CEP68: variants seen among roughly 807,000 people sequenced by gnomAD.
The protein encoded by CEP68 is centrosomal protein 68.
In CEP68, 26 loss-of-function variants were observed where a neutral mutation model predicts 55.3. The observed-to-expected ratio is 0.47, with a 90% CI of 0.34 to 0.65. The LOEUF (loss-of-function observed/expected upper bound fraction) is 0.65, where lower values mean the gene tolerates loss of function less well. Among genes scored for constraint, CEP68 ranks in the 30% least tolerant of loss-of-function variants. The pLI is 0.01. For synonymous variants in CEP68, 402 were observed against 383.2 expected, an observed-to-expected ratio of 1.05 and a Z score of -0.57; for missense variants, 957 against 946.7, an observed-to-expected ratio of 1.01 and a Z score of -0.14.
intron 2 of CEP68, among the ~76,000 whole-genome samples, chr2:65,070,465 C>T (rs1676406736): frequency 6.6e-6 from 1 of 151,256 alleles, no homozygotes; most frequent in Admixed American, 6.6e-5. Flanking sequence ...TTCTGTTCTG[C>T]TTGCCAAGGC....
chr2:65,075,271 A>AC (rs70943621), intron 4 of CEP68: 1 of 149,718 alleles, frequency 6.7e-6, no homozygotes, highest in Non-Finnish European at 1.5e-5. Context: ...AAAAAAAAAA[A>AC]CATAAAAAAT....
At chr2:65,074,774 C>T (rs543235299) in intron 4 of CEP68, 8 of 242,132 alleles carry the variant, frequency 3.3e-5, no homozygotes, top group African/African-American at 4.7e-5. Context: ...ACCCCCCCCC[C>T]TCAAAAAAAA....
chr2:65,073,308 T>C (rs907828974), intron 3 of CEP68: 4 of 385,704 alleles, frequency 1.0e-5, no homozygotes, highest in Admixed American at 7.6e-5. Flanking sequence ...AACTCAGAGG[T>C]ATTCTGAACA....
intron 1 of CEP68, among the ~76,000 whole-genome samples, chr2:65,064,597 G>GTA (rs1558555986): frequency 6.6e-6 from 1 of 152,118 alleles, no homozygotes; most frequent in Non-Finnish European, 1.5e-5. Context: ...AGCTGGGTGC[G>GTA]GTGGTGGGCG....
chr2:65,074,517 C>T (rs1201192141), intron 4 of CEP68, 113 bp downstream of exon 4: 1 of 1,433,232 alleles, frequency 7.0e-7, no homozygotes, highest in African/African-American at 1.4e-5. Context: ...GCTCAGTTGA[C>T]TATTATACCT....
At chr2:65,076,564 A>C (rs752748747) in intron 4 of CEP68, among the ~76,000 whole-genome samples, 17 of 152,106 alleles carry the variant, frequency 1.1e-4, no homozygotes, top group Non-Finnish European at 2.1e-4. Context: ...TTGGATTAAG[A>C]CCTAGTATAA....
At chr2:65,059,169 C>T (rs1675794900) in intron 1 of CEP68, among the ~76,000 whole-genome samples, 1 of 152,160 alleles carries the variant, frequency 6.6e-6, no homozygotes, top group Admixed American at 6.5e-5. Context: ...TAATGTTGTT[C>T]ACCAACATCA....
rs138848385 is a variant in CEP68, at chr2:65,069,559, G to T, written c.115G>T (p.Gly39Trp). 1.2e-6 allele frequency: 2 copies of T among 1,611,744 alleles called. No individual in the cohort carries two copies. The highest frequency in any genetic ancestry group is 8.5e-7 in the Non-Finnish European group (1 of 1,178,480). Residue 39 changes from glycine to tryptophan, a missense_variant, in exon 2 of 7, where the codon GGG becomes TGG. Transcript: ENST00000377990. ...GCTGGACATCCCAGGGCCCATGAGT[G>T]GGGAGCAGCCCCCACGCCTGGAAGC... ...RELDIPGPMSGEQPPRLEAEG... is the reference protein window; with the variant it reads ...RELDIPGPMSWEQPPRLEAEG...
intron 1 of CEP68, among the ~76,000 whole-genome samples, chr2:65,066,726 CA>C (rs869096839): frequency 7.9e-4 from 34 of 43,238 alleles, no homozygotes; most frequent in African/African-American, 1.7e-3. Context: ...GACTCTGTCT[CA>C]AAAAAAAAAA....
At chr2:65,060,574 AT>A (rs552048938) in intron 1 of CEP68, among the ~76,000 whole-genome samples, 57 of 152,318 alleles carry the variant, frequency 3.7e-4, no homozygotes, top group African/African-American at 1.4e-3. Context: ...TTAAAAAAAA[AT>A]AAATGAATAA....
At chr2:65,081,680 G>A (rs936593366) in intron 5 of CEP68, among the ~76,000 whole-genome samples, 2 of 151,682 alleles carry the variant, frequency 1.3e-5, no homozygotes, top group Admixed American at 6.6e-5. Context: ...CCCTTAGACT[G>A]CTTTCGGGTC....
intron 1 of CEP68, among the ~76,000 whole-genome samples, chr2:65,066,173 A>T (rs1462230629): frequency 1.3e-5 from 2 of 152,118 alleles, no homozygotes. Flanking sequence ...TGTTTTCAGG[A>T]TGTGGGAGGA....
chr2:65,062,351 T>C (rs977156805), intron 1 of CEP68, among the ~76,000 whole-genome samples: 9 of 151,922 alleles, frequency 5.9e-5, no homozygotes, highest in Non-Finnish European at 7.4e-5. Flanking sequence ...CTGGCCAACA[T>C]GGTTAAACCC....
chr2:65,083,437 T>C (rs1229368340), intron 6 of CEP68, among the ~76,000 whole-genome samples: 1 of 152,256 alleles, frequency 6.6e-6, no homozygotes, highest in Non-Finnish European at 1.5e-5. Flanking sequence ...ACGTCGCTCC[T>C]ACAACAAAAT....
chr2:65,071,992 A>G lies in CEP68; in HGVS notation c.896A>G (p.Tyr299Cys). 1 of 1,613,092 alleles carries G rather than the reference A, an allele frequency of 6.2e-7. No individual in the cohort carries two copies. The highest frequency in any genetic ancestry group is 8.5e-7 in the Non-Finnish European group (1 of 1,180,000). Residue 299 changes from tyrosine to cysteine, a missense_variant, in exon 3 of 7, where the codon TAT becomes TGT. Coordinates refer to ENST00000377990, the MANE Select transcript of CEP68 (RefSeq NM_015147.3). ...HSPLWNPNKEYEDLLDYTYPL... is the reference protein window; with the variant it reads ...HSPLWNPNKECEDLLDYTYPL... ...CCTCTCTGGAACCCAAATAAAGAGT[A>G]TGAAGATCTGCTTGACTATACTTAC...
In CEP68 at chr2:65,069,474, G is replaced by A. The variant is rs746778567; in HGVS notation, c.30G>A (p.Ala10=). 43 of 1,520,116 alleles carry A rather than the reference G, an allele frequency of 2.8e-5. No individual in the cohort carries two copies. The highest frequency in any genetic ancestry group is 1.8e-4 in the Middle Eastern group (1 of 5,616). The allele number at this position is 1,520,116 out of a possible 1,614,324, so 94.2% of individuals were successfully genotyped here. A position where few individuals can be genotyped will look rare whatever the true frequency, so the allele number is the denominator to read the frequency against. MALGEEKAE[A]EASEDTKAQS... is the part of the protein sequence containing the mutation. The stretch of plus-strand genomic sequence containing the variant: ...CCCTGGGTGAAGAAAAGGCAGAAGC[G>A]GAAGCATCTGAAGACACAAAGGCCC... The change falls in exon 2 of 7, where the codon GCG becomes GCA. Residue 10 remains alanine (A), a synonymous_variant. Coordinates refer to ENST00000377990, the MANE Select transcript of CEP68 (RefSeq NM_015147.3).
intron 4 of CEP68, 51 bp from the exon 5 acceptor site, chr2:65,077,817 A>G: frequency 7.1e-7 from 1 of 1,412,700 alleles, no homozygotes. Flanking sequence ...TAACGTTTAC[A>G]AAACAATAGT....
At chr2:65,070,825 A>C (rs1676425852) in intron 2 of CEP68, 1 of 152,820 alleles carries the variant, frequency 6.5e-6, no homozygotes, top group Non-Finnish European at 1.5e-5. Context: ...CTATGAGGGG[A>C]GGAAAGTGAG....
chr2:65,081,433 G>A (rs566693162), intron 5 of CEP68, among the ~76,000 whole-genome samples: 1 of 73,748 alleles, frequency 1.4e-5, no homozygotes, highest in African/African-American at 3.8e-5. Flanking sequence ...AGCATTGTCT[G>A]CAGATAAGCT....
Sources: gnomAD v4.1 joint callset for allele counts (sites outside exome capture counted in the v4.1 genomes callset) on GRCh38, gnomAD v4.1.1 for gene constraint, MANE v1.5 for transcripts, NCBI Gene and HGNC (gene_info 2026-07-23, HGNC 2026-07-21) for gene names.